The following CACNA2D3 variants were observed in gnomAD, a reference collection of about 807,000 sequenced individuals.
CACNA2D3 encodes the protein calcium voltage-gated channel auxiliary subunit alpha2delta 3.
In CACNA2D3, 60 loss-of-function variants were observed where a neutral mutation model predicts 160.6. That is an observed-to-expected ratio of 0.37 (90% CI 0.30 to 0.46). The LOEUF (loss-of-function observed/expected upper bound fraction) is 0.46. Ranked by LOEUF, CACNA2D3 falls within the 20% of genes least tolerant of loss-of-function variation. The probability of loss-of-function intolerance (pLI) is 1.00; values close to 1 mark genes in which losing one functional copy is unlikely to be tolerated. For missense variants in CACNA2D3, 1,205 were observed against 1,365.0 expected (o/e 0.88, Z 1.85); for synonymous variants, 558 against 492.9 (o/e 1.13, Z -1.75).
chr3:54,991,963 T>C (rs1702753328), intron 31 of CACNA2D3, among the ~76,000 whole-genome samples: 1 of 149,870 alleles, frequency 6.7e-6, no homozygotes, highest in African/African-American at 2.5e-5. Flanking sequence ...TTTTGTTTGT[T>C]TGTCTTATTT....
chr3:54,972,763 C>T (rs958040893), intron 29 of CACNA2D3, among the ~76,000 whole-genome samples: 2 of 152,200 alleles, frequency 1.3e-5, no homozygotes, highest in Admixed American at 1.3e-4. Flanking sequence ...CCAGTCAGAA[C>T]CTGAGCCATG....
intron 14 of CACNA2D3, among the ~76,000 whole-genome samples, chr3:54,817,241 C>T (rs753690874): frequency 6.6e-6 from 1 of 152,166 alleles, no homozygotes; most frequent in East Asian, 1.9e-4. Flanking sequence ...ATTAGTAAGG[C>T]GTGGTAACCA....
intron 27 of CACNA2D3, among the ~76,000 whole-genome samples, chr3:54,922,930 A>G (rs1700896201): frequency 6.6e-6 from 1 of 152,142 alleles, no homozygotes; most frequent in Non-Finnish European, 1.5e-5. Context: ...GTCTTCTCTT[A>G]GTCATCCACT....
intron 2 of CACNA2D3, among the ~76,000 whole-genome samples, chr3:54,278,957 C>A (rs1030254572): frequency 6.6e-6 from 1 of 152,138 alleles, no homozygotes; most frequent in African/African-American, 2.4e-5. Flanking sequence ...ATGTTCTGCA[C>A]ATGTATCCCA....
chr3:54,645,128 C>G (rs918982726), intron 11 of CACNA2D3, among the ~76,000 whole-genome samples: 1 of 152,134 alleles, frequency 6.6e-6, no homozygotes, highest in African/African-American at 2.4e-5. Flanking sequence ...GCTGGGAGGC[C>G]TCAGGAAACT....
chr3:54,743,970 G>T (rs1393162983), intron 11 of CACNA2D3, among the ~76,000 whole-genome samples: 1 of 152,290 alleles, frequency 6.6e-6, no homozygotes, highest in East Asian at 1.9e-4. Context: ...TACAGACTCA[G>T]TTCTGTCTGT....
At chr3:54,818,032 A>T (rs540028765) in intron 14 of CACNA2D3, among the ~76,000 whole-genome samples, 1 of 135,532 alleles carries the variant, frequency 7.4e-6, no homozygotes, top group Non-Finnish European at 1.7e-5. Context: ...CTACATTTGA[A>T]TTTTTTTGAT....
At chr3:54,898,851 C>CA (rs1056724307) in intron 26 of CACNA2D3, among the ~76,000 whole-genome samples, 2 of 152,098 alleles carry the variant, frequency 1.3e-5, no homozygotes, top group African/African-American at 4.8e-5. Context: ...TCATAACCCC[C>CA]TTAGAGTCCG....
chr3:54,190,060 T>C (rs1021256712), intron 2 of CACNA2D3, among the ~76,000 whole-genome samples: 1 of 152,198 alleles, frequency 6.6e-6, no homozygotes, highest in Non-Finnish European at 1.5e-5. Context: ...TGTTTCCTAG[T>C]TCATTGATGG....
chr3:54,968,143 A>C (rs1437163086), intron 27 of CACNA2D3, among the ~76,000 whole-genome samples: 1 of 151,322 alleles, frequency 6.6e-6, no homozygotes, highest in African/African-American at 2.4e-5. Flanking sequence ...TCCTCTTCTC[A>C]GCTTGTGTTG....
chr3:54,705,139 C>T (rs1700835813), intron 11 of CACNA2D3, among the ~76,000 whole-genome samples: 1 of 152,158 alleles, frequency 6.6e-6, no homozygotes, highest in African/African-American at 2.4e-5. Flanking sequence ...TGAAATATTT[C>T]AAATGTACTG....
chr3:54,601,685 C>A (rs1034342996), intron 9 of CACNA2D3, among the ~76,000 whole-genome samples: 2 of 151,770 alleles, frequency 1.3e-5, no homozygotes, highest in Non-Finnish European at 2.9e-5. Flanking sequence ...ATCTTATACC[C>A]CAGTCACTAG....
intron 2 of CACNA2D3, among the ~76,000 whole-genome samples, chr3:54,172,809 G>A (rs1700602907): frequency 6.6e-6 from 1 of 152,130 alleles, no homozygotes; most frequent in Non-Finnish European, 1.5e-5. Context: ...TATTTTCTAT[G>A]CTGAACATTT....
chr3:54,756,945 C>A (rs1427557215), intron 12 of CACNA2D3, among the ~76,000 whole-genome samples: 1 of 152,070 alleles, frequency 6.6e-6, no homozygotes, highest in Non-Finnish European at 1.5e-5. Flanking sequence ...AGGGAACCAA[C>A]CCTAATGAGA....
At chr3:54,233,920 T>A (rs1243707760) in intron 2 of CACNA2D3, among the ~76,000 whole-genome samples, 1 of 152,048 alleles carries the variant, frequency 6.6e-6, no homozygotes, top group African/African-American at 2.4e-5. Context: ...ATTAAAAAAA[T>A]ATATCCTGGA....
intron 2 of CACNA2D3, among the ~76,000 whole-genome samples, chr3:54,287,323 CAAAG>C (rs1366255421): frequency 3.3e-5 from 5 of 152,058 alleles, no homozygotes; most frequent in South Asian, 2.1e-4. Flanking sequence ...TCAAAAGAGA[CAAAG>C]AAGGCCATTA....
At chr3:54,353,616 A>G (rs761099707) in intron 3 of CACNA2D3, among the ~76,000 whole-genome samples, 1 of 152,086 alleles carries the variant, frequency 6.6e-6, no homozygotes, top group Non-Finnish European at 1.5e-5. Flanking sequence ...TTTCCCAGCC[A>G]TGCAGTAGCG....
At chr3:54,640,611 C>T (rs577753558) in intron 10 of CACNA2D3, among the ~76,000 whole-genome samples, 8 of 152,056 alleles carry the variant, frequency 5.3e-5, no homozygotes, top group Non-Finnish European at 1.0e-4. Flanking sequence ...TACCAGTGAG[C>T]GCAATCTTAG....
At chr3:54,485,381 A>G (rs905309776) in intron 4 of CACNA2D3, among the ~76,000 whole-genome samples, 41 of 152,194 alleles carry the variant, frequency 2.7e-4, no homozygotes, top group African/African-American at 9.4e-4. Flanking sequence ...TAAAGGAACT[A>G]TAGGATGGTT....
Sources: gnomAD v4.1 joint callset for allele counts (sites outside exome capture counted in the v4.1 genomes callset) on GRCh38, gnomAD v4.1.1 for gene constraint, MANE v1.5 for transcripts, NCBI Gene and HGNC (gene_info 2026-07-23, HGNC 2026-07-21) for gene names.